BPIFC: variants seen among roughly 807,000 people sequenced by gnomAD.
BPIFC encodes BPI fold-containing family C protein.
A neutral mutation model predicts 57.6 loss-of-function variants in BPIFC; 60 were observed. The observed-to-expected ratio is 1.04, with a 90% CI of 0.85 to 1.29. The LOEUF is 1.29. BPIFC is among the 50% of genes most tolerant of loss of function. The probability of loss-of-function intolerance (pLI) is 0.00; values close to 1 mark genes in which losing one functional copy is unlikely to be tolerated. For synonymous variants in BPIFC, 243 were observed against 224.5 expected (o/e 1.08, Z -0.74); for missense variants, 581 against 600.5 (o/e 0.97, Z 0.34).
At chr22:32,443,638 T>C (rs1224597214) in intron 7 of BPIFC, among the ~76,000 whole-genome samples, 1 of 152,202 alleles carries the variant, frequency 6.6e-6, no homozygotes, top group South Asian at 2.1e-4. Context: ...TCTTGTGTGC[T>C]CATTGATGTG....
chr22:32,431,345 A>G lies in BPIFC; in HGVS notation c.1217+2T>C, dbSNP rs1370049468. ...CCCAACAGTCAAATTGATTGATCTTACCTGTTCAGAGACAAGGAGCAGACC... is the reference window on the plus strand; with the variant it reads ...CCCAACAGTCAAATTGATTGATCTTGCCTGTTCAGAGACAAGGAGCAGACC... On this transcript the variant is annotated splice_donor_variant, in intron 13 of 16. Transcript: ENST00000300399. LOFTEE classifies it high-confidence loss of function. 2 of 1,610,470 alleles carry G rather than the reference A, an allele frequency of 1.2e-6. No individual in the cohort carries two copies. The highest frequency in any genetic ancestry group is 3.3e-5 in the Admixed American group (2 of 59,902).
intron 3 of BPIFC, among the ~76,000 whole-genome samples, chr22:32,453,816 C>T (rs1934964328): frequency 6.6e-6 from 1 of 152,132 alleles, no homozygotes. Context: ...GGAGCAGTAG[C>T]TCATGCCTGT....
At chr22:32,428,278 T>C (rs200623512) in intron 13 of BPIFC, among the ~76,000 whole-genome samples, 1,234 of 91,882 alleles carry the variant, frequency 0.013, 9 homozygotes, top group African/African-American at 0.061. Flanking sequence ...TGCGCGCGCG[T>C]GTGTGTGTGT....
In BPIFC at chr22:32,414,153, G is replaced by C; in HGVS notation, c.*150C>G. On this transcript the variant is annotated 3_prime_UTR_variant, in exon 17 of 17. Transcript: ENST00000300399. Reference sequence around the variant, plus strand: ...CTTTAACAGAGTCTGCCTTATTCTGGGTTCCTGAAGGCTTAAGAAAGAAAA... The same window carrying C: ...CTTTAACAGAGTCTGCCTTATTCTGCGTTCCTGAAGGCTTAAGAAAGAAAA... 1 of 987,958 alleles carries C rather than the reference G, an allele frequency of 1.0e-6. No individual in the cohort carries two copies. The highest frequency in any genetic ancestry group is 1.7e-5 in the South Asian group (1 of 57,156). The allele number at this position is 987,958 out of a possible 1,614,324, so 61.2% of individuals were successfully genotyped here.
intron 1 of BPIFC, among the ~76,000 whole-genome samples, 173 bp from the exon 2 acceptor site, chr22:32,461,834 G>T (rs8141337): frequency 6.6e-6 from 1 of 152,124 alleles, no homozygotes; most frequent in Non-Finnish European, 1.5e-5. Context: ...AATTGTAAAT[G>T]GATGTGTTAT....
intron 13 of BPIFC, among the ~76,000 whole-genome samples, chr22:32,428,041 T>C (rs1601451747): frequency 7.1e-6 from 1 of 140,408 alleles, no homozygotes; most frequent in South Asian, 2.4e-4. Flanking sequence ...AAGATCACTC[T>C]TCATGGTTCA....
intron 2 of BPIFC, among the ~76,000 whole-genome samples, chr22:32,460,459 C>T (rs1168149651): frequency 1.3e-5 from 2 of 152,162 alleles, no homozygotes; most frequent in Non-Finnish European, 2.9e-5. Flanking sequence ...AAGGTCTTCA[C>T]CTGTCTGTGG....
chr22:32,450,434 T>C (rs1255361029), intron 4 of BPIFC, among the ~76,000 whole-genome samples: 1 of 152,182 alleles, frequency 6.6e-6, no homozygotes, highest in Non-Finnish European at 1.5e-5. Flanking sequence ...CATATTCCTG[T>C]TGTTAAGCAA....
chr22:32,420,757 C>A (rs898135337), intron 13 of BPIFC, among the ~76,000 whole-genome samples: 2 of 152,144 alleles, frequency 1.3e-5, no homozygotes, highest in African/African-American at 4.8e-5. Context: ...ATAATAGACA[C>A]GCTAATTGCC....
At chr22:32,417,229 G>A (rs1429029194) in intron 14 of BPIFC, 81 bp from the exon 15 acceptor site, 30 of 1,013,530 alleles carry the variant, frequency 3.0e-5, no homozygotes, top group Non-Finnish European at 4.4e-5. Flanking sequence ...AGGCTGGAGT[G>A]CAGTAGTGTG....
At chr22:32,446,041 G>T (rs765938607) in intron 5 of BPIFC, 45 bp from the exon 6 acceptor site, 10 of 1,600,350 alleles carry the variant, frequency 6.2e-6, no homozygotes, top group Non-Finnish European at 8.5e-6. Context: ...GTCAGGCACA[G>T]AGATGGATCT....
intron 4 of BPIFC, 145 bp from the exon 5 acceptor site, chr22:32,447,485 G>T: frequency 1.0e-6 from 1 of 955,618 alleles, no homozygotes; most frequent in Non-Finnish European, 1.4e-6. Flanking sequence ...CTGCAAGGCT[G>T]TCTCTGGGGA....
intron 9 of BPIFC, 58 bp from the exon 10 acceptor site, chr22:32,435,938 G>A: frequency 6.5e-7 from 1 of 1,534,748 alleles, no homozygotes; most frequent in Non-Finnish European, 8.8e-7. Flanking sequence ...ATTCTAAGAA[G>A]ACTAAGAAGA....
At chr22:32,459,434 C>T (rs532104851) in intron 2 of BPIFC, among the ~76,000 whole-genome samples, 11 of 152,086 alleles carry the variant, frequency 7.2e-5, no homozygotes, top group East Asian at 5.8e-4. Context: ...GAGGCCGAGG[C>T]GGGTGGATCA....
At chr22:32,445,575 G>T in intron 7 of BPIFC, 60 bp downstream of exon 7, 1 of 1,420,796 alleles carries the variant, frequency 7.0e-7, no homozygotes, top group Non-Finnish European at 9.8e-7. Flanking sequence ...ATTAATTAAA[G>T]GATGATAGAA....
At position 32,428,898 on chromosome 22, in the gene BPIFC, C is replaced by CAA. The variant is rs67722475; in HGVS notation, c.1217+2447_1217+2448dup. 6.8e-5 allele frequency among the ~76,000 whole-genome samples: 10 copies of CAA among 148,114 alleles called. No individual in the cohort carries two copies. The East Asian group carries it at 1.8e-3, about 27-fold the overall frequency. ...TGGGTGACAGAGTAACACTCCATCTCAAAAAAAAACAAAATTATATTCCCT... is the reference window on the plus strand; with the variant it reads ...TGGGTGACAGAGTAACACTCCATCTCAAAAAAAAAAACAAAATTATATTCCCT... On this transcript the variant is annotated intron_variant, in intron 13 of 16. Coordinates refer to ENST00000300399, the MANE Select transcript of BPIFC (RefSeq NM_174932.3).
intron 8 of BPIFC, among the ~76,000 whole-genome samples, chr22:32,441,550 A>G (rs1934564730): frequency 6.6e-6 from 1 of 152,138 alleles, no homozygotes; most frequent in Non-Finnish European, 1.5e-5. Flanking sequence ...CCAAAGTGTC[A>G]TGTGAGCACA....
chr22:32,445,825 C>A lies in BPIFC; in HGVS notation c.530+16G>T, dbSNP rs1410367429. ...GCCCCTAACTAGCCACTGCCCAACC[C>A]AGGGCTCTCATTCACCTGAGTTCTC... On this transcript the variant is annotated intron_variant, in intron 6 of 16. Transcript: ENST00000300399. 6.2e-7 allele frequency: 1 copy of A among 1,613,580 alleles called. No individual in the cohort carries two copies. Among genetic ancestry groups the A allele is most frequent in the Non-Finnish European group, 8.5e-7 (1 of 1,179,822 alleles).
intron 12 of BPIFC, 25 bp from the exon 13 acceptor site, chr22:32,431,439 A>ATTTATTTATTTATTTTATTTATTTTT: frequency 8.2e-6 from 11 of 1,343,072 alleles, no homozygotes; most frequent in Non-Finnish European, 1.2e-5. Context: ...AGCATTTATT[A>ATTTATTTATTTATTTTATTTATTTTT]TTAAGACGAG....
Sources: allele counts gnomAD v4.1 joint callset (sites outside exome capture counted in the v4.1 genomes callset), GRCh38; gene constraint gnomAD v4.1.1; transcripts MANE v1.5; gene names NCBI Gene and HGNC (gene_info 2026-07-23, HGNC 2026-07-21).